Variants in CAMK4 observed in about 807,000 individuals in gnomAD.
The protein encoded by CAMK4 is calcium/calmodulin-dependent protein kinase type IV.
A neutral mutation model predicts 44.9 loss-of-function variants in CAMK4; 22 were observed. The ratio of observed to expected loss-of-function variants is 0.49; its 90% CI spans 0.35 to 0.70. The LOEUF is 0.70. Among genes scored for constraint, CAMK4 ranks in the 30% least tolerant of loss-of-function variants. The probability of loss-of-function intolerance (pLI) is 0.01; values close to 1 mark genes in which losing one functional copy is unlikely to be tolerated. For missense variants in CAMK4, 498 were observed against 586.8 expected (o/e 0.85, Z 1.56); for synonymous variants, 218 against 215.4 (o/e 1.01, Z -0.11).
chr5:111,418,939 G>A (rs185212079), intron 5 of CAMK4, among the ~76,000 whole-genome samples: 4,957 of 151,938 alleles, frequency 0.033, 277 homozygotes, highest in African/African-American at 0.11. Flanking sequence ...ATGATTTATA[G>A]GCCTTTGGGT....
At chr5:111,283,400 T>C (rs1751103202) in intron 1 of CAMK4, among the ~76,000 whole-genome samples, 1 of 152,246 alleles carries the variant, frequency 6.6e-6, no homozygotes, top group African/African-American at 2.4e-5. Context: ...CTTTAATCAC[T>C]GCTTGATTCA....
At chr5:111,426,746 G>A (rs974015454) in intron 5 of CAMK4, among the ~76,000 whole-genome samples, 1 of 152,218 alleles carries the variant, frequency 6.6e-6, no homozygotes, top group African/African-American at 2.4e-5. Flanking sequence ...TGTCCTGTTA[G>A]AGCAGAAAGG....
At chr5:111,320,345 G>A (rs1466174412) in intron 1 of CAMK4, among the ~76,000 whole-genome samples, 1 of 152,100 alleles carries the variant, frequency 6.6e-6, no homozygotes, top group African/African-American at 2.4e-5. Context: ...CAATGGAGGA[G>A]GACTGAAGGG....
intron 5 of CAMK4, among the ~76,000 whole-genome samples, chr5:111,413,802 G>T (rs1301058134): frequency 3.9e-5 from 6 of 151,946 alleles, no homozygotes; most frequent in Non-Finnish European, 8.8e-5. Context: ...CTACCAATAC[G>T]CTTAAAAACT....
At chr5:111,336,959 A>G (rs1439692736) in intron 1 of CAMK4, among the ~76,000 whole-genome samples, 1 of 150,526 alleles carries the variant, frequency 6.6e-6, no homozygotes, top group Non-Finnish European at 1.5e-5. Flanking sequence ...TTTTTACTGT[A>G]TTTTCATTGA....
chr5:111,442,395 G>T (rs1383071819), intron 5 of CAMK4, among the ~76,000 whole-genome samples: 2 of 152,078 alleles, frequency 1.3e-5, no homozygotes, highest in Non-Finnish European at 2.9e-5. Context: ...CACTCGGAAG[G>T]CTGAGGCAGA....
intron 10 of CAMK4, 47 bp from the exon 11 acceptor site, chr5:111,483,979 G>T: frequency 7.2e-7 from 1 of 1,388,162 alleles, no homozygotes; most frequent in South Asian, 1.5e-5. Context: ...TCTGATGTGG[G>T]GTGTTAAAGC....
chr5:111,262,256 G>C (rs759791601), intron 1 of CAMK4, among the ~76,000 whole-genome samples: 1 of 152,104 alleles, frequency 6.6e-6, no homozygotes, highest in Admixed American at 6.5e-5. Context: ...TAAACCAAAG[G>C]GGGAGGAGTT....
At chr5:111,249,774 A>C (rs1390820657) in intron 1 of CAMK4, among the ~76,000 whole-genome samples, 1 of 151,632 alleles carries the variant, frequency 6.6e-6, no homozygotes, top group South Asian at 2.1e-4. Flanking sequence ...TTATTAGTTT[A>C]AGAATATATT....
intron 1 of CAMK4, among the ~76,000 whole-genome samples, chr5:111,293,452 A>G (rs1391371233): frequency 6.6e-6 from 1 of 151,124 alleles, no homozygotes; most frequent in African/African-American, 2.4e-5. Flanking sequence ...TTTGAGATGG[A>G]GTCTCATCCT....
intron 5 of CAMK4, among the ~76,000 whole-genome samples, chr5:111,442,540 A>G (rs1174260738): frequency 6.7e-6 from 1 of 148,934 alleles, no homozygotes; most frequent in African/African-American, 2.4e-5. Flanking sequence ...ATATATATAT[A>G]TATACACACA....
At chr5:111,335,640 T>C (rs1371751601) in intron 1 of CAMK4, among the ~76,000 whole-genome samples, 2 of 151,350 alleles carry the variant, frequency 1.3e-5, no homozygotes, top group East Asian at 1.9e-4. Flanking sequence ...TAGTCCTAAA[T>C]GTGGTAGCAG....
chr5:111,420,555 G>C (rs1056779069), intron 5 of CAMK4, among the ~76,000 whole-genome samples: 5 of 152,102 alleles, frequency 3.3e-5, no homozygotes, highest in African/African-American at 1.2e-4. Flanking sequence ...ATTATTAGGT[G>C]GGAATTTCCT....
intron 1 of CAMK4, among the ~76,000 whole-genome samples, chr5:111,254,219 C>T (rs1192557511): frequency 6.6e-6 from 1 of 152,180 alleles, no homozygotes; most frequent in Non-Finnish European, 1.5e-5. Flanking sequence ...CAGCTCTGCT[C>T]CTGCTTCATT....
intron 1 of CAMK4, among the ~76,000 whole-genome samples, chr5:111,255,257 G>A (rs538489202): frequency 3.4e-4 from 52 of 152,248 alleles, no homozygotes; most frequent in Admixed American, 1.8e-3. Flanking sequence ...TGCCCATCCT[G>A]TGCCATCATC....
At chr5:111,249,666 A>ATATATATATATGTG (rs1242789662) in intron 1 of CAMK4, among the ~76,000 whole-genome samples, 3 of 140,688 alleles carry the variant, frequency 2.1e-5, no homozygotes, top group African/African-American at 8.0e-5. Flanking sequence ...GTGTATATAT[A>ATATATATATATGTG]TGTGTGTGTG....
rs1022187266 is a variant in CAMK4, at chr5:111,419,519, G to A, written c.459+24737G>A. Among the ~76,000 whole-genome samples the A allele has an allele frequency of 8.6e-3, 1,312 of 152,136 alleles. 22 individuals carry two copies. The highest frequency in any genetic ancestry group is 0.029 in the African/African-American group (1,183 of 41,490). ...TGTTTTAGACATGAAGTCCTTGCCCGTGCCTATGTCCTGAATGGTATTGCC... is the reference window on the plus strand; with the variant it reads ...TGTTTTAGACATGAAGTCCTTGCCCATGCCTATGTCCTGAATGGTATTGCC... On this transcript the variant is annotated intron_variant, in intron 5 of 10. Transcript: ENST00000282356.
chr5:111,380,825 G>A (rs1167086870), intron 4 of CAMK4, among the ~76,000 whole-genome samples: 6 of 152,104 alleles, frequency 3.9e-5, no homozygotes, highest in Non-Finnish European at 7.3e-5. Flanking sequence ...TTGTTGTGGT[G>A]GGCATTTAAG....
At chr5:111,409,060 GTGGATCTACCATTC>G (rs1163321190) in intron 5 of CAMK4, among the ~76,000 whole-genome samples, 1 of 152,150 alleles carries the variant, frequency 6.6e-6, no homozygotes, top group East Asian at 1.9e-4. Flanking sequence ...CAGGTTGTTG[GTGGATCTACCATTC>G]TGGGTCTGGA....
Sources: gnomAD v4.1 joint callset for allele counts (sites outside exome capture counted in the v4.1 genomes callset) on GRCh38, gnomAD v4.1.1 for gene constraint, MANE v1.5 for transcripts, NCBI Gene and HGNC (gene_info 2026-07-23, HGNC 2026-07-21) for gene names.